The following RERE variants were observed in gnomAD, a reference collection of about 807,000 sequenced individuals.
RERE encodes the protein arginine-glutamic acid dipeptide repeats protein.
A neutral mutation model predicts 146.1 loss-of-function variants in RERE; 40 were observed. The ratio of observed to expected loss-of-function variants is 0.27; its 90% CI spans 0.21 to 0.36. The LOEUF (loss-of-function observed/expected upper bound fraction) is 0.36, where lower values mean the gene tolerates loss of function less well. Ranked by LOEUF, RERE falls within the 10% of genes least tolerant of loss-of-function variation. The pLI is 1.00. For missense variants in RERE, 1,933 were observed against 2,138.7 expected, an observed-to-expected ratio of 0.90 and a Z score of 1.90; for synonymous variants, 1,003 against 866.0, an observed-to-expected ratio of 1.16 and a Z score of -2.78.
intron 1 of RERE, among the ~76,000 whole-genome samples, chr1:8,707,772 C>T (rs75306295): frequency 0.015 from 2,346 of 152,190 alleles, 27 homozygotes; most frequent in Non-Finnish European, 0.024. Flanking sequence ...TAGCTATGTC[C>T]GCATAGGATG....
In RERE at chr1:8,359,941, T is replaced by G. The variant is rs1479190720; in HGVS notation, c.3441A>C (p.Thr1147=). 2 of 1,613,306 alleles carry G rather than the reference T, an allele frequency of 1.2e-6. No individual in the cohort carries two copies. The highest frequency in any genetic ancestry group is 1.7e-6 in the Non-Finnish European group (2 of 1,180,038). Residue 1147 remains threonine (T), a synonymous_variant, in exon 19 of 23, where the codon ACA becomes ACC. Transcript: ENST00000400908. ...CGGCCAGAGGCATGAAGTACAGGTC[T>G]GTCCGGGCACACGAGTTGTAGCCCC... ...LDRGYNSCAR[T]DLYFMPLAGS...
intron 10 of RERE, among the ~76,000 whole-genome samples, chr1:8,475,803 T>C (rs4463697): frequency 0.85 from 129,872 of 152,278 alleles, 55,763 homozygotes; most frequent in East Asian, 0.94. Flanking sequence ...ATATGAAACA[T>C]GTAAATGTTA....
intron 1 of RERE, among the ~76,000 whole-genome samples, chr1:8,725,172 G>C (rs762907410): frequency 3.9e-5 from 6 of 152,214 alleles, no homozygotes; most frequent in Non-Finnish European, 7.3e-5. Flanking sequence ...TGTCTCACTA[G>C]TGCACATTAG....
intron 1 of RERE, among the ~76,000 whole-genome samples, chr1:8,689,688 C>CTA (rs2124415318): frequency 6.7e-6 from 1 of 150,370 alleles, no homozygotes; most frequent in East Asian, 2.0e-4. Flanking sequence ...ACCACAGGGA[C>CTA]TAAAAATAAA....
intron 1 of RERE, among the ~76,000 whole-genome samples, chr1:8,802,384 T>A (rs1569829591): frequency 6.6e-6 from 1 of 152,250 alleles, no homozygotes; most frequent in Non-Finnish European, 1.5e-5. Context: ...AGATCTTTTT[T>A]AAAAAGAAAA....
chr1:8,363,458 A>G (rs1017412956), intron 15 of RERE, among the ~76,000 whole-genome samples: 11 of 152,184 alleles, frequency 7.2e-5, no homozygotes, highest in Non-Finnish European at 1.6e-4. Flanking sequence ...TCAACGGCAT[A>G]CAAGGGGCAG....
intron 1 of RERE, among the ~76,000 whole-genome samples, chr1:8,686,831 C>T (rs1229419511): frequency 6.6e-6 from 1 of 152,070 alleles, no homozygotes; most frequent in African/African-American, 2.4e-5. Context: ...AAAGTAGAGC[C>T]GAGACTGAGG....
At chr1:8,745,137 C>G (rs971293406) in intron 1 of RERE, among the ~76,000 whole-genome samples, 1 of 152,136 alleles carries the variant, frequency 6.6e-6, no homozygotes, top group African/African-American at 2.4e-5. Flanking sequence ...TAGGGAGAGG[C>G]CTGGCAGGAG....
intron 2 of RERE, among the ~76,000 whole-genome samples, chr1:8,631,354 G>C (rs1368296297): frequency 6.6e-6 from 1 of 152,144 alleles, no homozygotes; most frequent in Non-Finnish European, 1.5e-5. Context: ...AGCTATGACT[G>C]TACCACCACT....
At chr1:8,547,020 C>T (rs1437273643) in intron 6 of RERE, among the ~76,000 whole-genome samples, 1 of 150,660 alleles carries the variant, frequency 6.6e-6, no homozygotes, top group African/African-American at 2.4e-5. Flanking sequence ...CTCAAACTGG[C>T]ATTTCTCCAC....
intron 2 of RERE, 29 bp downstream of exon 2, chr1:8,655,944 T>C (rs756353992): frequency 4.4e-6 from 7 of 1,601,156 alleles, no homozygotes; most frequent in Non-Finnish European, 6.0e-6. Flanking sequence ...CTGTAAACAT[T>C]GGCAAGACCC....
chr1:8,801,787 G>A (rs992916662), intron 1 of RERE, among the ~76,000 whole-genome samples: 12 of 152,134 alleles, frequency 7.9e-5, no homozygotes, highest in African/African-American at 2.9e-4. Context: ...CTCTACTTAA[G>A]AGCTTATCCT....
chr1:8,744,421 C>A (rs1284643208), intron 1 of RERE, among the ~76,000 whole-genome samples: 1 of 152,200 alleles, frequency 6.6e-6, no homozygotes, highest in Non-Finnish European at 1.5e-5. Flanking sequence ...TGTTTTTCCA[C>A]ATACATGCCC....
At chr1:8,379,844 T>C (rs890739135) in intron 12 of RERE, among the ~76,000 whole-genome samples, 4 of 152,190 alleles carry the variant, frequency 2.6e-5, no homozygotes, top group Non-Finnish European at 4.4e-5. Flanking sequence ...GAATGCCAGA[T>C]GGACCTAGAT....
intron 1 of RERE, among the ~76,000 whole-genome samples, chr1:8,676,616 T>C (rs1025069707): frequency 5.9e-5 from 9 of 152,204 alleles, no homozygotes; most frequent in Non-Finnish European, 1.0e-4. Context: ...TAAAACCACC[T>C]TAGGGTCCCA....
intron 1 of RERE, among the ~76,000 whole-genome samples, chr1:8,711,187 A>AAAAAAAG (rs1639661393): frequency 1.4e-5 from 2 of 138,534 alleles, no homozygotes; most frequent in African/African-American, 5.3e-5. Context: ...AAAAAAAAAA[A>AAAAAAAG]GGGAGTGATA....
Position 8,360,460 on chromosome 1 carries a change from G to A in RERE, c.3047C>T (p.Pro1016Leu). The change falls in exon 18 of 23, where the codon CCC becomes CTC. Residue 1016 changes from proline (P) to leucine (L), a missense_variant. Pro to Leu is a moderately conservative substitution (Grantham distance 98, BLOSUM62 -3). Around this residue, in one of 11 missense-constraint regions of RERE, gnomAD observed 1,255 missense variants for 1,153.8 expected, o/e 1.09. Transcript: ENST00000400908. ...GCCTGTAGGGGGGTGGGAGGCAGGGGGCGGGGGCAGGTTCTGGCTCTGGGT... is the reference window on the plus strand; with the variant it reads ...GCCTGTAGGGGGGTGGGAGGCAGGGAGCGGGGGCAGGTTCTGGCTCTGGGT... Reference protein sequence around the residue: ...GLTQSQNLPPPPASHPPTGLH... With the variant: ...GLTQSQNLPPLPASHPPTGLH... The A allele has an allele frequency of 1.0e-6, 1 of 1,002,088 alleles. No individual in the cohort carries two copies. Among genetic ancestry groups the A allele is most frequent in the Non-Finnish European group, 1.4e-6 (1 of 726,760 alleles). 62.1% of individuals were successfully genotyped at this position (1,002,088 alleles called of 1,614,324 possible).
At position 8,656,107 on chromosome 1, in the gene RERE, T is replaced by C. The variant is rs764706891; in HGVS notation, c.191A>G (p.Asn64Ser). Residue 64 changes from asparagine to serine, a missense_variant, in exon 2 of 23, where the codon AAT becomes AGT. By Grantham distance (46) the Asn-to-Ser change is conservative (BLOSUM62 1). Around this residue, in one of 11 missense-constraint regions of RERE, gnomAD observed 107 missense variants for 119.7 expected, o/e 0.89. Coordinates refer to ENST00000400908, the MANE Select transcript of RERE (RefSeq NM_001042681.2). ...DHSEDEDNDNNSATAEESTKK... is the reference protein window; with the variant it reads ...DHSEDEDNDNSSATAEESTKK... ...CGTGGACTCCTCTGCGGTGGCACTA[T>C]TGTTGTCATTGTCCTCGTCTTCACT... is the stretch of plus-strand genomic sequence containing the variant. 38 of 1,614,016 alleles carry C rather than the reference T, an allele frequency of 2.4e-5. No homozygotes were observed. The highest frequency in any genetic ancestry group is 1.2e-4 in the African/African-American group (9 of 74,914).
rs1641250017 is a variant in RERE at position 8,355,407 on chromosome 1, A to AC, written c.4667+11dup. ...GATAACCCCTCCACTCCCTCCCAGC[A>AC]CCCCACCTCACCTGTAATAATCTTC... On this transcript the variant is annotated intron_variant, in intron 22 of 22. Transcript: ENST00000400908. 1.9e-6 allele frequency: 3 copies of AC among 1,611,080 alleles called. No homozygotes were observed. In the African/African-American group the frequency reaches 4.0e-5, roughly 22 times the overall value.
Sources: allele counts gnomAD v4.1 joint callset (sites outside exome capture counted in the v4.1 genomes callset), GRCh38; gene constraint gnomAD v4.1.1; regional missense constraint gnomAD v4.1.1; transcripts MANE v1.5; gene names NCBI Gene and HGNC (gene_info 2026-07-23, HGNC 2026-07-21).